The following FAM13A variants were observed in gnomAD, a reference collection of about 807,000 sequenced individuals.
FAM13A encodes the protein family with sequence similarity 13 member A.
FAM13A carries 76 observed loss-of-function variants against 129.6 expected under a neutral mutation model. The observed-to-expected ratio is 0.59, with a 90% CI of 0.49 to 0.71. The LOEUF is 0.71. Ranked by LOEUF, FAM13A falls within the 30% of genes least tolerant of loss-of-function variation. The probability of loss-of-function intolerance (pLI) is 0.00; values close to 1 mark genes in which losing one functional copy is unlikely to be tolerated. For missense variants in FAM13A, 1,108 were observed against 1,249.3 expected, an observed-to-expected ratio of 0.89 and a Z score of 1.70; for synonymous variants, 443 against 449.9, an observed-to-expected ratio of 0.98 and a Z score of 0.20.
In FAM13A at chr4:88,948,415, C is replaced by A. The variant is rs542840860; in HGVS notation, c.606-10174G>T. On this transcript the variant is annotated intron_variant, in intron 4 of 23. Coordinates refer to ENST00000264344, the MANE Select transcript of FAM13A (RefSeq NM_014883.4). ...GGGGTCAGAAAACAGTCAGAAGTTA[C>A]CAGTGGCTGGGGTAAGAGGAGGAGT... Among the ~76,000 whole-genome samples the A allele has an allele frequency of 3.3e-5, 5 of 151,960 alleles. No individual in the cohort carries two copies. In the South Asian group the frequency reaches 1.0e-3, roughly 32 times the overall value.
At chr4:88,882,940 G>C (rs1743829934) in intron 6 of FAM13A, among the ~76,000 whole-genome samples, 1 of 152,020 alleles carries the variant, frequency 6.6e-6, no homozygotes, top group African/African-American at 2.4e-5. Context: ...AATGATTAAA[G>C]GACTTGTTCA....
intron 5 of FAM13A, among the ~76,000 whole-genome samples, chr4:88,911,582 T>G (rs1749094971): frequency 6.6e-6 from 1 of 152,196 alleles, no homozygotes; most frequent in Non-Finnish European, 1.5e-5. Context: ...GCTGAAATCA[T>G]TCAATCCTCT....
chr4:88,921,816 C>G (rs1371642704), intron 5 of FAM13A, among the ~76,000 whole-genome samples: 7 of 152,038 alleles, frequency 4.6e-5, no homozygotes, highest in Admixed American at 4.6e-4. Flanking sequence ...ATCTCACGTG[C>G]AGAGACAAAC....
rs1186474082 is a variant in FAM13A at position 88,760,342 on chromosome 4, C to T, written c.1579-1441G>A. Among the ~76,000 whole-genome samples, 2 of 28,768 alleles carry T rather than the reference C, an allele frequency of 7.0e-5. 1 individual carries two copies. Among genetic ancestry groups the T allele is most frequent in the Non-Finnish European group, 3.9e-4 (2 of 5,156 alleles). 18.9% of individuals were successfully genotyped at this position (28,768 alleles called of 152,430 possible). A position where few individuals can be genotyped will look rare whatever the true frequency, so the allele number is the denominator to read the frequency against. ...CCAAGTGGCCGGGCGCGGTGGCTCA[C>T]GCCTGTAATCCCAGCACTTTGGGAG... is the stretch of plus-strand genomic sequence containing the variant. On this transcript the variant is annotated intron_variant, in intron 13 of 23. Coordinates refer to ENST00000264344, the MANE Select transcript of FAM13A (RefSeq NM_014883.4).
intron 5 of FAM13A, among the ~76,000 whole-genome samples, chr4:88,909,941 A>C (rs948209396): frequency 2.0e-5 from 3 of 152,206 alleles, no homozygotes; most frequent in Admixed American, 6.5e-5. Flanking sequence ...AAAGCCATGT[A>C]AAGAACGTTC....
chr4:88,739,795 A>G (rs1200864447), intron 19 of FAM13A, among the ~76,000 whole-genome samples: 1 of 151,326 alleles, frequency 6.6e-6, no homozygotes, highest in Non-Finnish European at 1.5e-5. Flanking sequence ...TCAAAAAAAA[A>G]AAAAAAAAAA....
chr4:88,908,817 G>A lies in FAM13A; in HGVS notation c.760-2355C>T, dbSNP rs571910742. On this transcript the variant is annotated intron_variant, in intron 5 of 23. Transcript: ENST00000264344. The stretch of plus-strand genomic sequence containing the variant: ...GCACCCGTTCAGAGTTGCGTTCCCA[G>A]TGCCCCATCAGAATGGTACTGAAAC... Among the ~76,000 whole-genome samples, 21 of 152,138 alleles carry A rather than the reference G, an allele frequency of 1.4e-4. 1 individual carries two copies. Among genetic ancestry groups the A allele is most frequent in the Non-Finnish European group, 1.9e-4 (13 of 68,018 alleles).
At chr4:88,987,602 C>T (rs1762395879) in intron 4 of FAM13A, among the ~76,000 whole-genome samples, 1 of 151,982 alleles carries the variant, frequency 6.6e-6, no homozygotes, top group South Asian at 2.1e-4. Flanking sequence ...CGCTTGTAAT[C>T]CCAGCACTTT....
At chr4:88,798,765 C>A (rs1398973080) in intron 8 of FAM13A, among the ~76,000 whole-genome samples, 1 of 152,052 alleles carries the variant, frequency 6.6e-6, no homozygotes, top group Non-Finnish European at 1.5e-5. Flanking sequence ...AGTACTGTAT[C>A]AGGCAAAGGC....
At chr4:88,871,477 G>T (rs1293831079) in intron 6 of FAM13A, among the ~76,000 whole-genome samples, 1 of 152,184 alleles carries the variant, frequency 6.6e-6, no homozygotes, top group Admixed American at 6.5e-5. Flanking sequence ...GAAAACCATG[G>T]CACAAGAACT....
intron 19 of FAM13A, among the ~76,000 whole-genome samples, chr4:88,742,948 T>G (rs1740566969): frequency 6.6e-6 from 1 of 152,240 alleles, no homozygotes; most frequent in South Asian, 2.1e-4. Context: ...ATATTATCTC[T>G]TCAAAATACT....
At chr4:88,852,380 T>C (rs1266245283) in intron 6 of FAM13A, among the ~76,000 whole-genome samples, 1 of 152,152 alleles carries the variant, frequency 6.6e-6, no homozygotes, top group African/African-American at 2.4e-5. Flanking sequence ...CTGGCCAGTC[T>C]CAAACTCCTG....
chr4:88,905,722 C>A (rs1748035553), intron 6 of FAM13A: 1 of 152,118 alleles, frequency 6.6e-6, no homozygotes, highest in African/African-American at 2.4e-5. Flanking sequence ...CATGTTCCTG[C>A]AAAAGGCATG....
intron 5 of FAM13A, among the ~76,000 whole-genome samples, chr4:88,921,821 A>G (rs1026977346): frequency 6.6e-6 from 1 of 152,198 alleles, no homozygotes; most frequent in Non-Finnish European, 1.5e-5. Context: ...ACGTGCAGAG[A>G]CAAACATAGG....
chr4:88,892,951 A>G (rs1579151873), intron 6 of FAM13A, among the ~76,000 whole-genome samples: 2 of 152,330 alleles, frequency 1.3e-5, no homozygotes, highest in South Asian at 4.1e-4. Flanking sequence ...AAGAAAACCA[A>G]AAAACTGAGA....
intron 8 of FAM13A, among the ~76,000 whole-genome samples, chr4:88,792,185 C>CA (rs1311791594): frequency 4.6e-5 from 7 of 151,824 alleles, no homozygotes; most frequent in African/African-American, 1.5e-4. Context: ...TTATTATTTA[C>CA]AATAACCCTA....
chr4:88,967,411 C>T (rs151310441), intron 4 of FAM13A, among the ~76,000 whole-genome samples: 20 of 152,274 alleles, frequency 1.3e-4, no homozygotes, highest in South Asian at 2.1e-4. Context: ...TTTCCCATGA[C>T]AATCATTATT....
intron 4 of FAM13A, among the ~76,000 whole-genome samples, chr4:88,973,131 A>ATTT (rs70959640): frequency 0.084 from 11,240 of 134,376 alleles, 589 homozygotes; most frequent in East Asian, 0.13. Context: ...CCTAGGCATA[A>ATTT]TTTTTTTTTT....
intron 4 of FAM13A, among the ~76,000 whole-genome samples, chr4:88,954,074 T>A (rs1448138762): frequency 6.6e-6 from 1 of 152,138 alleles, no homozygotes; most frequent in Non-Finnish European, 1.5e-5. Context: ...AAAAATAAAT[T>A]GTTAGACTCC....
Sources: allele counts gnomAD v4.1 joint callset (sites outside exome capture counted in the v4.1 genomes callset), GRCh38; gene constraint gnomAD v4.1.1; transcripts MANE v1.5; gene names NCBI Gene and HGNC (gene_info 2026-07-23, HGNC 2026-07-21).